The following PITPNM2 variants were observed in gnomAD, a reference collection of about 807,000 sequenced individuals.
PITPNM2 encodes the protein membrane-associated phosphatidylinositol transfer protein 2.
A neutral mutation model predicts 132.2 loss-of-function variants in PITPNM2; 35 were observed. The ratio of observed to expected loss-of-function variants is 0.26; its 90% CI spans 0.20 to 0.35. The LOEUF is 0.35. PITPNM2 is among the 10% of genes least tolerant of loss of function. PITPNM2 has a pLI of 1.00. For missense variants in PITPNM2, 1,332 were observed against 1,912.0 expected, an observed-to-expected ratio of 0.70 and a Z score of 5.66; for synonymous variants, 738 against 799.2, an observed-to-expected ratio of 0.92 and a Z score of 1.29.
At position 123,099,470 on chromosome 12, in the gene PITPNM2, C is replaced by T. The variant is rs1000101475; in HGVS notation, c.-96+10915G>A. 3.3e-5 allele frequency among the ~76,000 whole-genome samples: 5 copies of T among 152,156 alleles called. No individual in the cohort carries two copies. Among genetic ancestry groups the T allele is most frequent in the South Asian group, 2.1e-4 (1 of 4,834 alleles). On this transcript the variant is annotated intron_variant, in intron 2 of 25. Coordinates refer to ENST00000320201, the MANE Select transcript of PITPNM2 (RefSeq NM_020845.3). The surrounding 1 kb of genome is among the most constrained non-coding windows in gnomAD (Gnocchi z 4.2). ...GCCCACCTTTGTGCCTGTGGGCTGACGAAGCCCTGGGGGCTCTGGGCCCTA... is the reference window on the plus strand; with the variant it reads ...GCCCACCTTTGTGCCTGTGGGCTGATGAAGCCCTGGGGGCTCTGGGCCCTA...
intron 1 of PITPNM2, among the ~76,000 whole-genome samples, chr12:123,137,411 G>A (rs1358853925): frequency 6.6e-6 from 1 of 152,150 alleles, no homozygotes; most frequent in African/African-American, 2.4e-5. Context: ...AGAAGGCTGT[G>A]CCCTACCAAC....
intron 2 of PITPNM2, among the ~76,000 whole-genome samples, chr12:123,052,346 C>A (rs539554908): frequency 6.6e-6 from 1 of 152,286 alleles, no homozygotes; most frequent in South Asian, 2.1e-4. Context: ...TATTCTCTTA[C>A]AGTTCTGGAG....
At chr12:123,057,542 G>T (rs887406653) in intron 2 of PITPNM2, among the ~76,000 whole-genome samples, 1 of 152,186 alleles carries the variant, frequency 6.6e-6, no homozygotes, top group Non-Finnish European at 1.5e-5. Flanking sequence ...AGACAAGACC[G>T]CATCTGAAAT....
chr12:123,076,459 G>A (rs2041793427), intron 2 of PITPNM2, among the ~76,000 whole-genome samples: 1 of 152,206 alleles, frequency 6.6e-6, no homozygotes, highest in Non-Finnish European at 1.5e-5. Context: ...TCCTGTCTCA[G>A]GCCACCTTCA....
intron 1 of PITPNM2, among the ~76,000 whole-genome samples, chr12:123,135,843 G>A (rs988873638): frequency 9.2e-5 from 14 of 152,278 alleles, no homozygotes; most frequent in African/African-American, 2.9e-4. Flanking sequence ...CTGCAAGCCC[G>A]TGCCACCCTA....
intron 2 of PITPNM2, among the ~76,000 whole-genome samples, chr12:123,109,775 T>C (rs1203159068): frequency 6.6e-6 from 1 of 152,198 alleles, no homozygotes; most frequent in African/African-American, 2.4e-5. Flanking sequence ...GGGTGCTCTA[T>C]AAACAGGAGA....
chr12:123,074,618 TACAC>T (rs573861241), intron 2 of PITPNM2, among the ~76,000 whole-genome samples: 2 of 151,526 alleles, frequency 1.3e-5, no homozygotes. Context: ...TGCCTACACA[TACAC>T]CCACCCACCC....
intron 3 of PITPNM2, among the ~76,000 whole-genome samples, chr12:123,020,761 G>T (rs2039633574): frequency 6.6e-6 from 1 of 152,078 alleles, no homozygotes. Context: ...AGTGGTTCAT[G>T]CCTGTAATCC....
At chr12:123,076,975 T>C (rs565924914) in intron 2 of PITPNM2, among the ~76,000 whole-genome samples, 1 of 152,158 alleles carries the variant, frequency 6.6e-6, no homozygotes, top group East Asian at 1.9e-4. Context: ...CGGGCATGGG[T>C]CGGAGTGTGT....
chr12:123,028,264 T>A (rs1009141893), intron 3 of PITPNM2, among the ~76,000 whole-genome samples: 2 of 152,222 alleles, frequency 1.3e-5, no homozygotes, highest in African/African-American at 4.8e-5. Context: ...ACGGTGTATA[T>A]TGAGTGCTGC....
chr12:123,005,382 G>A lies in PITPNM2; in HGVS notation c.810C>T (p.Leu270=), dbSNP rs755908400. The A allele has an allele frequency of 2.5e-6, 4 of 1,614,174 alleles. No individual in the cohort carries two copies. The highest frequency in any genetic ancestry group is 3.3e-5 in the Admixed American group (2 of 60,030). The change falls in exon 7 of 26, where the codon CTC becomes CTT. Residue 270 remains leucine (L), a synonymous_variant. Coordinates refer to ENST00000320201, the MANE Select transcript of PITPNM2 (RefSeq NM_020845.3). This position sits in a 1 kb window ranked among gnomAD's most constrained non-coding sequence, Gnocchi z 6.2. ...FNEDGEEATE[L]VKHEAVSDQT... is the part of the protein sequence containing the mutation. ...GGTCCGAGACGGCTTCGTGCTTGAC[G>A]AGCTCAGTGGCCTCCTCACCATCCT...
At chr12:123,120,459 C>A (rs2043013137) in intron 1 of PITPNM2, among the ~76,000 whole-genome samples, 1 of 152,190 alleles carries the variant, frequency 6.6e-6, no homozygotes, top group Non-Finnish European at 1.5e-5. Context: ...TTTCTCTCTG[C>A]AAGTAGAGTG....
chr12:123,140,741 C>G (rs977041517), intron 1 of PITPNM2, among the ~76,000 whole-genome samples: 1 of 152,092 alleles, frequency 6.6e-6, no homozygotes, highest in Non-Finnish European at 1.5e-5. Flanking sequence ...AGACCCCACT[C>G]CTGCTCTCTA....
At chr12:123,065,070 C>G (rs918888940) in intron 2 of PITPNM2, among the ~76,000 whole-genome samples, 3 of 152,214 alleles carry the variant, frequency 2.0e-5, no homozygotes, top group South Asian at 4.1e-4. Context: ...TCTGCAGGCA[C>G]TTGCCACCCA....
At chr12:123,075,518 C>T (rs937544973) in intron 2 of PITPNM2, 3 of 152,270 alleles carry the variant, frequency 2.0e-5, no homozygotes, top group Non-Finnish European at 4.4e-5. Flanking sequence ...GGGCTTCCCA[C>T]CACGCCCTTC....
chr12:123,078,608 A>G lies in PITPNM2; in HGVS notation c.-96+31777T>C, dbSNP rs573596620. Among the ~76,000 whole-genome samples, 1 of 152,300 alleles carries G rather than the reference A, an allele frequency of 6.6e-6. No individual in the cohort carries two copies. The highest frequency in any genetic ancestry group is 2.4e-5 in the African/African-American group (1 of 41,558). ...TCTAAAAATCTGTTGCCAAATCCTG[A>G]GTCACATCTTCCCACCCTCAGGGAT... On this transcript the variant is annotated intron_variant, in intron 2 of 25. Coordinates refer to ENST00000320201, the MANE Select transcript of PITPNM2 (RefSeq NM_020845.3). This position sits in a 1 kb window ranked among gnomAD's most constrained non-coding sequence, Gnocchi z 7.3.
chr12:123,140,632 A>T, intron 1 of PITPNM2, among the ~76,000 whole-genome samples: 1 of 152,060 alleles, frequency 6.6e-6, no homozygotes, highest in East Asian at 1.9e-4. Context: ...GCTGTCACCC[A>T]GCCAGTCTGA....
intron 21 of PITPNM2, 39 bp downstream of exon 21, chr12:122,987,746 A>G (rs2037997801): frequency 6.8e-6 from 11 of 1,612,968 alleles, no homozygotes; most frequent in Non-Finnish European, 9.3e-6. Context: ...GGAGCTCCCC[A>G]AAGTCCCTCC....
intron 2 of PITPNM2, chr12:123,090,069 T>C (rs2042217002): frequency 6.6e-6 from 1 of 152,242 alleles, no homozygotes; most frequent in African/African-American, 2.4e-5. Context: ...TATTTCATGC[T>C]GCTTCTGTGG....
Sources: allele counts gnomAD v4.1 joint callset (sites outside exome capture counted in the v4.1 genomes callset), GRCh38; gene constraint gnomAD v4.1.1; non-coding constraint Gnocchi (gnomAD v3.1); transcripts MANE v1.5; gene names NCBI Gene and HGNC (gene_info 2026-07-23, HGNC 2026-07-21).